Variants in ZYG11B observed in about 807,000 individuals in gnomAD.
ZYG11B encodes zyg-11 family member B, cell cycle regulator, also known as protein zyg-11 homolog B.
In ZYG11B, 36 loss-of-function variants were observed where a neutral mutation model predicts 82.4. The observed-to-expected ratio is 0.44, with a 90% CI of 0.33 to 0.58. ZYG11B has a LOEUF of 0.58. Among genes scored for constraint, ZYG11B ranks in the 20% least tolerant of loss-of-function variants. The pLI is 0.02. For synonymous variants in ZYG11B, 303 were observed against 312.8 expected, an observed-to-expected ratio of 0.97 and a Z score of 0.33; for missense variants, 552 against 895.6, an observed-to-expected ratio of 0.62 and a Z score of 4.90.
chr1:52,734,244 T>A (rs1644358704), intron 1 of ZYG11B, among the ~76,000 whole-genome samples: 1 of 152,024 alleles, frequency 6.6e-6, no homozygotes, highest in Non-Finnish European at 1.5e-5. Flanking sequence ...GTGATCCTAC[T>A]GCCTCAGCCC....
intron 1 of ZYG11B, among the ~76,000 whole-genome samples, chr1:52,731,150 G>A (rs1319936171): frequency 3.3e-5 from 5 of 151,948 alleles, no homozygotes; most frequent in Admixed American, 3.3e-4. Context: ...GCAGGTGCCT[G>A]TAATCCCAGC....
chr1:52,820,714 TA>T lies in ZYG11B; in HGVS notation c.2045-702del, dbSNP rs34434230. Among the ~76,000 whole-genome samples the T allele has an allele frequency of 0.01, 281 of 27,214 alleles. 1 individual carries two copies. In the East Asian group the frequency reaches 0.12, roughly 12 times the overall value. The allele number at this position is 27,214 out of a possible 152,430, so 17.9% of individuals were successfully genotyped here. A position where few individuals can be genotyped will look rare whatever the true frequency, so the allele number is the denominator to read the frequency against. The stretch of plus-strand genomic sequence containing the variant: ...CTGGGCAACAGAATGAGACTGTCTT[TA>T]AAAAAAAAAAAAAAAAAAAAAAGGC... On this transcript the variant is annotated intron_variant, in intron 13 of 13. Transcript: ENST00000294353.
chr1:52,726,472 GGGCTGC>G lies in ZYG11B; in HGVS notation c.-157_-152del, dbSNP rs879654681. 26 of 529,434 alleles carry G rather than the reference GGGCTGC, an allele frequency of 4.9e-5. No individual in the cohort carries two copies. The highest frequency in any genetic ancestry group is 2.3e-4 in the East Asian group (6 of 26,604). 32.8% of individuals were successfully genotyped at this position (529,434 alleles called of 1,614,324 possible). A position where few individuals can be genotyped will look rare whatever the true frequency, so the allele number is the denominator to read the frequency against. On this transcript the variant is annotated 5_prime_UTR_variant, in exon 1 of 14. Coordinates refer to ENST00000294353, the MANE Select transcript of ZYG11B (RefSeq NM_024646.3). Reference sequence around the variant, plus strand: ...GGGGGCGGAGTCTGCGCTCTGGTTCGGGCTGCGGCTGCGGCTGCGGCTGCGGCTGCT... The same window carrying G: ...GGGGGCGGAGTCTGCGCTCTGGTTCGGGCTGCGGCTGCGGCTGCGGCTGCT...
At chr1:52,807,316 A>ATGTG (rs112948933) in intron 10 of ZYG11B, among the ~76,000 whole-genome samples, 5,632 of 151,922 alleles carry the variant, frequency 0.037, 319 homozygotes, top group African/African-American at 0.13. Flanking sequence ...TGATGTTGTG[A>ATGTG]TGTGTTTAAT....
At chr1:52,743,402 T>TAAA (rs71044414) in intron 1 of ZYG11B, among the ~76,000 whole-genome samples, 1,430 of 69,036 alleles carry the variant, frequency 0.021, 16 homozygotes, top group Middle Eastern at 0.16. Flanking sequence ...CAATAAATAC[T>TAAA]AAAAAAAAAA....
intron 1 of ZYG11B, among the ~76,000 whole-genome samples, chr1:52,750,346 C>T (rs192209472): frequency 6.6e-6 from 1 of 151,740 alleles, no homozygotes; most frequent in Admixed American, 6.6e-5. Flanking sequence ...AATCTCGGCT[C>T]ACTGCAACCT....
intron 10 of ZYG11B, among the ~76,000 whole-genome samples, chr1:52,812,389 A>G (rs1450540687): frequency 6.6e-6 from 1 of 151,748 alleles, no homozygotes; most frequent in African/African-American, 2.4e-5. Flanking sequence ...GTGTTATTTT[A>G]TTTTATTTTA....
intron 3 of ZYG11B, chr1:52,772,414 C>T: frequency 3.8e-6 from 6 of 1,558,494 alleles, no homozygotes; most frequent in Non-Finnish European, 5.3e-6. Context: ...GGAGCAAGTC[C>T]CTTAGACTTA....
At chr1:52,790,932 C>T (rs889174604) in intron 6 of ZYG11B, among the ~76,000 whole-genome samples, 1 of 150,484 alleles carries the variant, frequency 6.6e-6, no homozygotes. Context: ...AATTTTGGAG[C>T]TTAAATTTTT....
At chr1:52,750,072 G>A (rs1644508011) in intron 1 of ZYG11B, among the ~76,000 whole-genome samples, 1 of 152,064 alleles carries the variant, frequency 6.6e-6, no homozygotes, top group Non-Finnish European at 1.5e-5. Flanking sequence ...CTAGTCTTGT[G>A]TTTACACTTG....
chr1:52,782,326 A>G (rs1031247004), intron 4 of ZYG11B, among the ~76,000 whole-genome samples: 1 of 151,960 alleles, frequency 6.6e-6, no homozygotes, highest in Non-Finnish European at 1.5e-5. Context: ...TCCTGTGCTC[A>G]AGTGATTCTC....
At chr1:52,749,265 G>GACTA (rs1346715101) in intron 1 of ZYG11B, among the ~76,000 whole-genome samples, 1 of 151,996 alleles carries the variant, frequency 6.6e-6, no homozygotes, top group Non-Finnish European at 1.5e-5. Flanking sequence ...GCTATAAAAG[G>GACTA]ACTAACAAAA....
At chr1:52,785,443 A>G (rs1644905340) in intron 5 of ZYG11B, among the ~76,000 whole-genome samples, 2 of 152,128 alleles carry the variant, frequency 1.3e-5, no homozygotes, top group Admixed American at 1.3e-4. Flanking sequence ...CTCAGGATGA[A>G]TACTAAAAAT....
At chr1:52,811,373 C>T (rs1645181416) in intron 10 of ZYG11B, among the ~76,000 whole-genome samples, 1 of 152,172 alleles carries the variant, frequency 6.6e-6, no homozygotes, top group Admixed American at 6.6e-5. Context: ...GCATGTTAGA[C>T]TTCTCGACAT....
intron 1 of ZYG11B, among the ~76,000 whole-genome samples, chr1:52,740,914 G>T (rs1372409738): frequency 1.1e-5 from 1 of 87,776 alleles, no homozygotes; most frequent in Non-Finnish European, 1.9e-5. Context: ...ATTGCAGTTG[G>T]GGCGGGGGAG....
chr1:52,737,777 A>G (rs926101468), intron 1 of ZYG11B, among the ~76,000 whole-genome samples: 8 of 152,222 alleles, frequency 5.3e-5, no homozygotes, highest in Admixed American at 5.2e-4. Context: ...AAAACACAAC[A>G]ATACTGAGCA....
intron 2 of ZYG11B, among the ~76,000 whole-genome samples, chr1:52,766,741 G>A (rs936240635): frequency 6.6e-6 from 1 of 152,156 alleles, no homozygotes; most frequent in African/African-American, 2.4e-5. Context: ...AGGCACAGTG[G>A]CTCACGCCTG....
chr1:52,791,795 C>T (rs544149103), intron 6 of ZYG11B, among the ~76,000 whole-genome samples: 9 of 152,262 alleles, frequency 5.9e-5, no homozygotes, highest in East Asian at 1.9e-4. Context: ...AATATAACTA[C>T]GTATATCTCA....
chr1:52,825,140 A>G lies in ZYG11B; in HGVS notation c.*3511A>G, dbSNP rs1253335781. On this transcript the variant is annotated 3_prime_UTR_variant, in exon 14 of 14. Coordinates refer to ENST00000294353, the MANE Select transcript of ZYG11B (RefSeq NM_024646.3). ...GATACATATTGGTATCATTAAGACAACAGATTTGAGCAAATACAATTAAGG... is the reference window on the plus strand; with the variant it reads ...GATACATATTGGTATCATTAAGACAGCAGATTTGAGCAAATACAATTAAGG... 6 of 152,298 alleles carry G rather than the reference A, an allele frequency of 3.9e-5. No homozygotes were observed. The highest frequency in any genetic ancestry group is 4.1e-4 in the South Asian group (2 of 4,824). The allele number at this position is 152,298 out of a possible 1,614,324, so 9.4% of individuals were successfully genotyped here.
Sources: gnomAD v4.1 joint callset for allele counts (sites outside exome capture counted in the v4.1 genomes callset) on GRCh38, gnomAD v4.1.1 for gene constraint, MANE v1.5 for transcripts, NCBI Gene and HGNC (gene_info 2026-07-23, HGNC 2026-07-21) for gene names.